RARB: variants seen among roughly 807,000 people sequenced by gnomAD.
The protein encoded by RARB is HBV-activated protein.
Under a neutral mutation model 51.9 loss-of-function variants are expected in RARB, and 17 were observed. The observed-to-expected ratio is 0.33, with a 90% CI of 0.22 to 0.49. RARB has a LOEUF of 0.49. RARB is among the 20% of genes least tolerant of loss of function. RARB has a pLI of 0.99. For synonymous variants in RARB, 215 were observed against 195.4 expected (o/e 1.10, Z -0.84); for missense variants, 369 against 550.8 (o/e 0.67, Z 3.30).
At chr3:25,295,810 G>C (rs764613161) in intron 5 of RARB, among the ~76,000 whole-genome samples, 7 of 152,148 alleles carry the variant, frequency 4.6e-5, no homozygotes, top group Admixed American at 1.3e-4. Flanking sequence ...ATGTAAGGCA[G>C]ATCACCAACA....
intron 3 of RARB, among the ~76,000 whole-genome samples, chr3:25,122,354 A>G (rs1406178498): frequency 6.6e-6 from 1 of 151,978 alleles, no homozygotes; most frequent in African/African-American, 2.4e-5. Flanking sequence ...TTACTAGATC[A>G]TCAGGACATA....
At chr3:25,266,652 AC>A (rs954131341) in intron 5 of RARB, among the ~76,000 whole-genome samples, 2 of 152,050 alleles carry the variant, frequency 1.3e-5, no homozygotes, top group African/African-American at 2.4e-5. Flanking sequence ...AAGCCCTGAC[AC>A]CCCTGTGACT....
At chr3:25,526,844 T>C (rs1698672410) in intron 3 of RARB, among the ~76,000 whole-genome samples, 1 of 152,234 alleles carries the variant, frequency 6.6e-6, no homozygotes, top group African/African-American at 2.4e-5. Flanking sequence ...CCATGATTCC[T>C]TACTCATGAT....
chr3:25,002,631 A>G (rs1311337153), intron 2 of RARB, among the ~76,000 whole-genome samples: 1 of 152,060 alleles, frequency 6.6e-6, no homozygotes, highest in Non-Finnish European at 1.5e-5. Context: ...ACATTGGCAT[A>G]TTTTCTATCA....
chr3:24,918,299 G>A (rs185738997), intron 2 of RARB, among the ~76,000 whole-genome samples: 1 of 152,266 alleles, frequency 6.6e-6, no homozygotes, highest in East Asian at 1.9e-4. Flanking sequence ...CTAACTGAAG[G>A]AGACCAGATG....
chr3:25,328,288 G>A (rs900931281), intron 5 of RARB, among the ~76,000 whole-genome samples: 8 of 152,248 alleles, frequency 5.3e-5, no homozygotes, highest in Non-Finnish European at 1.2e-4. Context: ...GAAAGACTGA[G>A]ACGGGCGGAT....
At chr3:25,560,564 A>G (rs1700229888) in intron 3 of RARB, among the ~76,000 whole-genome samples, 1 of 152,236 alleles carries the variant, frequency 6.6e-6, no homozygotes, top group African/African-American at 2.4e-5. Flanking sequence ...TCAGACAGAC[A>G]GTCCTAACAT....
chr3:25,500,953 G>GATA (rs1294020412), intron 2 of RARB, among the ~76,000 whole-genome samples: 1 of 152,160 alleles, frequency 6.6e-6, no homozygotes, highest in African/African-American at 2.4e-5. Context: ...CCTTTAGCAA[G>GATA]ATAATAATGG....
intron 5 of RARB, among the ~76,000 whole-genome samples, chr3:25,248,363 A>G (rs957569103): frequency 6.6e-6 from 1 of 152,190 alleles, no homozygotes; most frequent in African/African-American, 2.4e-5. Context: ...ATCTGTTTAC[A>G]TTCAAGATTA....
intron 2 of RARB, among the ~76,000 whole-genome samples, chr3:25,469,148 A>G (rs1695577736): frequency 1.3e-5 from 2 of 152,344 alleles, no homozygotes; most frequent in East Asian, 3.9e-4. Flanking sequence ...CCTCATCTCC[A>G]TGACAGCGTT....
chr3:25,029,612 G>A (rs1273850648), intron 2 of RARB, among the ~76,000 whole-genome samples: 1 of 152,086 alleles, frequency 6.6e-6, no homozygotes, highest in African/African-American at 2.4e-5. Flanking sequence ...TTTTCTCCAC[G>A]TGACTCTGAC....
At chr3:25,360,809 A>C (rs1388950723) in intron 5 of RARB, among the ~76,000 whole-genome samples, 1 of 151,812 alleles carries the variant, frequency 6.6e-6, no homozygotes, top group African/African-American at 2.4e-5. Flanking sequence ...ATTGGCCCCT[A>C]CTCTCTTCTG....
At chr3:25,506,867 A>C (rs143991360) in intron 3 of RARB, among the ~76,000 whole-genome samples, 1 of 152,206 alleles carries the variant, frequency 6.6e-6, no homozygotes, top group Non-Finnish European at 1.5e-5. Flanking sequence ...CTCCCCTACC[A>C]GTAGACACAC....
chr3:25,349,124 C>A (rs1300940506), intron 5 of RARB, among the ~76,000 whole-genome samples: 1 of 152,206 alleles, frequency 6.6e-6, no homozygotes, highest in Non-Finnish European at 1.5e-5. Context: ...TACCCTTCCC[C>A]CAATGAAGGC....
intron 2 of RARB, among the ~76,000 whole-genome samples, chr3:24,990,590 T>C (rs1696888591): frequency 9.2e-6 from 1 of 109,106 alleles, no homozygotes; most frequent in South Asian, 3.4e-4. Context: ...CAAGCTTAAA[T>C]GAATACATAG....
intron 2 of RARB, among the ~76,000 whole-genome samples, chr3:25,041,624 T>A (rs952411219): frequency 2.0e-5 from 3 of 151,066 alleles, no homozygotes; most frequent in Admixed American, 6.6e-5. Flanking sequence ...GCTAAGAATG[T>A]TTTTTTTTAA....
chr3:25,593,016 T>G (rs1289831757), intron 5 of RARB, among the ~76,000 whole-genome samples: 1 of 152,190 alleles, frequency 6.6e-6, no homozygotes, highest in Admixed American at 6.5e-5. Flanking sequence ...CTTAAGTCCT[T>G]CATTTGTAAA....
chr3:25,362,083 C>A (rs11709436), intron 5 of RARB, among the ~76,000 whole-genome samples: 12,537 of 152,128 alleles, frequency 0.082, 723 homozygotes, highest in South Asian at 0.19. Flanking sequence ...CACCCACAGC[C>A]GCCCCTTCCT....
intron 2 of RARB, among the ~76,000 whole-genome samples, chr3:24,869,062 CTT>C (rs1410842093): frequency 1.3e-5 from 2 of 152,130 alleles, no homozygotes; most frequent in Non-Finnish European, 2.9e-5. Context: ...GAGTTGGACT[CTT>C]TTCATCAACA....
Sources: gnomAD v4.1 joint callset for allele counts (sites outside exome capture counted in the v4.1 genomes callset) on GRCh38, gnomAD v4.1.1 for gene constraint, MANE v1.5 for transcripts, NCBI Gene and HGNC (gene_info 2026-07-23, HGNC 2026-07-21) for gene names.